Variants in SCAP observed in about 807,000 individuals in gnomAD.
SCAP encodes sterol regulatory element-binding protein cleavage-activating protein.
In SCAP, 65 loss-of-function variants were observed where a neutral mutation model predicts 123.6. The observed-to-expected ratio is 0.53, with a 90% CI of 0.43 to 0.65. SCAP has a LOEUF of 0.65. SCAP is among the 30% of genes least tolerant of loss of function. SCAP has a pLI of 0.00. For missense variants in SCAP, 1,398 were observed against 1,712.5 expected, an observed-to-expected ratio of 0.82 and a Z score of 3.24; for synonymous variants, 740 against 726.3, an observed-to-expected ratio of 1.02 and a Z score of -0.30.
chr3:47,424,029 G>A lies in SCAP; in HGVS notation c.1054C>T (p.Leu352Phe), dbSNP rs778949085. Residue 352 changes from leucine (L) to phenylalanine (F), a missense_variant, in exon 9 of 23, where the codon CTT (leucine) becomes TTT (phenylalanine). Leu to Phe is a conservative substitution (Grantham distance 22). Around this residue, in one of 7 missense-constraint regions of SCAP, gnomAD observed 9 missense variants for 32.8 expected, o/e 0.27. Transcript: ENST00000265565. Reference sequence around the variant, plus strand: ...TTCTCTAACCCAATAACCACCACAAGGTAGGGGAAAATCTCGCTGGGGACA... The same window carrying A: ...TTCTCTAACCCAATAACCACCACAAAGTAGGGGAAAATCTCGCTGGGGACA... Reference protein sequence around the residue: ...TLNGGEIFPYLVVVIGLENVL... With the variant: ...TLNGGEIFPYFVVVIGLENVL... The A allele has an allele frequency of 6.2e-7, 1 of 1,613,964 alleles. No homozygotes were observed.
At chr3:47,469,112 C>T (rs1001038680) in intron 1 of SCAP, among the ~76,000 whole-genome samples, 5 of 152,194 alleles carry the variant, frequency 3.3e-5, no homozygotes, top group Admixed American at 6.6e-5. Flanking sequence ...CTTGGGGATG[C>T]CAAGGTGGGC....
intron 3 of SCAP, among the ~76,000 whole-genome samples, chr3:47,432,026 T>C (rs1025822411): frequency 6.6e-6 from 1 of 152,130 alleles, no homozygotes; most frequent in African/African-American, 2.4e-5. Flanking sequence ...TTGCAAAAAT[T>C]GCTCTAGGCC....
rs1418659439 is a variant in SCAP, at chr3:47,413,992, C to T, written c.3702G>A (p.Gln1234=). 1.9e-6 allele frequency: 3 copies of T among 1,613,316 alleles called. No individual in the cohort carries two copies. The South Asian group carries it at 3.3e-5, about 18-fold the overall frequency. ...CACTGTTCTTCCCCAGGTAGACTGT[C>T]TGTAACAGGTCCCCGTAGTTTAGGT... ...FWDLNYGDLL[Q]TVYLGKNSEA... The change falls in exon 23 of 23, where the codon CAG becomes CAA. Residue 1234 remains glutamine, a synonymous_variant. Coordinates refer to ENST00000265565, the MANE Select transcript of SCAP (RefSeq NM_012235.4).
intron 1 of SCAP, among the ~76,000 whole-genome samples, chr3:47,452,036 C>G (rs974865726): frequency 6.6e-6 from 1 of 152,150 alleles, no homozygotes; most frequent in African/African-American, 2.4e-5. Context: ...GCTGAAATAT[C>G]ACTTCTACAA....
chr3:47,453,021 A>C (rs890457853), intron 1 of SCAP, among the ~76,000 whole-genome samples: 1 of 152,072 alleles, frequency 6.6e-6, no homozygotes, highest in Non-Finnish European at 1.5e-5. Flanking sequence ...GCTTGAGCCC[A>C]GGAGGTCAAG....
rs570007518 is a variant in SCAP, at chr3:47,419,045, C to G, written c.1941-202G>C. On this transcript the variant is annotated intron_variant, in intron 13 of 22. Coordinates refer to ENST00000265565, the MANE Select transcript of SCAP (RefSeq NM_012235.4). The surrounding 1 kb of genome is among the most constrained non-coding windows in gnomAD (Gnocchi z 5.0). ...AACTTGCTGTCCCAGATACCAGCAC[C>G]CAAACAGCCCTGGTGGCCGTGTGGG... Among the ~76,000 whole-genome samples the G allele has an allele frequency of 1.2e-4, 18 of 152,180 alleles. No individual in the cohort carries two copies. Among genetic ancestry groups the G allele is most frequent in the Non-Finnish European group, 2.5e-4 (17 of 68,028 alleles).
chr3:47,438,542 G>A (rs577291194), intron 2 of SCAP, among the ~76,000 whole-genome samples: 3 of 152,164 alleles, frequency 2.0e-5, no homozygotes, highest in South Asian at 4.1e-4. Flanking sequence ...GGCTGGGCAC[G>A]GTGGCTCACG....
intron 1 of SCAP, among the ~76,000 whole-genome samples, chr3:47,456,002 T>C (rs1259632743): frequency 6.6e-6 from 1 of 152,182 alleles, no homozygotes; most frequent in Non-Finnish European, 1.5e-5. Context: ...GTATACTATA[T>C]ACAGTAAATG....
Position 47,427,662 on chromosome 3 carries a change from C to G in SCAP, c.416G>C (p.Gly139Ala), listed in dbSNP as rs139371188. The G allele has an allele frequency of 5.1e-5, 83 of 1,613,736 alleles. No homozygotes were observed. The highest frequency in any genetic ancestry group is 6.9e-5 in the Non-Finnish European group (82 of 1,179,912). ...ACACAACTCCTCCAAGCTCCTGATCCCAGAGCTGCACAGGAGACAGGACAA... is the reference window on the plus strand; with the variant it reads ...ACACAACTCCTCCAAGCTCCTGATCGCAGAGCTGCACAGGAGACAGGACAA... ...IRNHVLRDSS[G>A]IRSLEELCLQ... The change falls in exon 5 of 23, where the codon GGG becomes GCG. Residue 139 changes from glycine to alanine, a missense_variant. This residue lies in a region of SCAP where 319 missense variants were observed against 432.4 expected (regional missense o/e 0.74). Coordinates refer to ENST00000265565, the MANE Select transcript of SCAP (RefSeq NM_012235.4).
At chr3:47,454,938 C>T (rs1707360513) in intron 1 of SCAP, among the ~76,000 whole-genome samples, 1 of 151,130 alleles carries the variant, frequency 6.6e-6, no homozygotes, top group Non-Finnish European at 1.5e-5. Flanking sequence ...TGTGGAACTA[C>T]TAGTTATCAC....
At chr3:47,466,718 A>C (rs1707842125) in intron 1 of SCAP, among the ~76,000 whole-genome samples, 1 of 152,206 alleles carries the variant, frequency 6.6e-6, no homozygotes, top group Non-Finnish European at 1.5e-5. Flanking sequence ...GATCTTCATG[A>C]TGCTGAGTTT....
intron 10 of SCAP, among the ~76,000 whole-genome samples, chr3:47,421,907 T>C (rs1216487334): frequency 2.0e-5 from 3 of 152,398 alleles, no homozygotes; most frequent in African/African-American, 7.2e-5. Flanking sequence ...AGCCCACAGC[T>C]GAGTGAGGGC....
intron 2 of SCAP, among the ~76,000 whole-genome samples, chr3:47,440,042 C>T (rs1401543096): frequency 1.3e-5 from 2 of 152,182 alleles, no homozygotes; most frequent in Non-Finnish European, 2.9e-5. Flanking sequence ...TCTGTACTTT[C>T]CCTGGGGTGA....
intron 1 of SCAP, among the ~76,000 whole-genome samples, chr3:47,455,131 C>T (rs1707372708): frequency 1.4e-5 from 2 of 147,078 alleles, no homozygotes. Flanking sequence ...ATAAAAGAAT[C>T]ACCATAAGGT....
rs1390226553 is a variant in SCAP at position 47,418,103 on chromosome 3, G to A, written c.2447+31C>T. 1.2e-5 allele frequency: 17 copies of A among 1,465,232 alleles called. No homozygotes were observed. The East Asian group carries it at 4.3e-4, about 37-fold the overall frequency. 90.8% of individuals were successfully genotyped at this position (1,465,232 alleles called of 1,614,324 possible). A position where few individuals can be genotyped will look rare whatever the true frequency, so the allele number is the denominator to read the frequency against. ...GGGTGGGGTGAGGGGGGTTGTGGGGGCACAAAGGAGGAAAGGGCAGCCGCA... is the reference window on the plus strand; with the variant it reads ...GGGTGGGGTGAGGGGGGTTGTGGGGACACAAAGGAGGAAAGGGCAGCCGCA... On this transcript the variant is annotated intron_variant, in intron 16 of 22. Transcript: ENST00000265565.
intron 1 of SCAP, among the ~76,000 whole-genome samples, chr3:47,468,689 A>G (rs1456584535): frequency 1.3e-5 from 2 of 152,128 alleles, no homozygotes; most frequent in African/African-American, 4.8e-5. Context: ...GTCTGATGGT[A>G]GTTTCTTTTG....
chr3:47,419,212 T>G lies in SCAP; in HGVS notation c.1940+116A>C, dbSNP rs1705782131. The G allele has an allele frequency of 7.4e-7, 1 of 1,356,774 alleles. No homozygotes were observed. The highest frequency in any genetic ancestry group is 9.9e-7 in the Non-Finnish European group (1 of 1,005,112). 84.0% of individuals were successfully genotyped at this position (1,356,774 alleles called of 1,614,324 possible). ...AACCACCAGTTCCCACCTCACAACC[T>G]TATGAACTGTTTTAATTATTTGCAT... On this transcript the variant is annotated intron_variant, in intron 13 of 22. Coordinates refer to ENST00000265565, the MANE Select transcript of SCAP (RefSeq NM_012235.4). This position sits in a 1 kb window ranked among gnomAD's most constrained non-coding sequence, Gnocchi z 5.0.
chr3:47,428,466 C>T (rs1449384128), intron 4 of SCAP, 47 bp downstream of exon 4: 1 of 1,583,706 alleles, frequency 6.3e-7, no homozygotes, highest in Non-Finnish European at 8.6e-7. Context: ...ACTCTCCCTT[C>T]AGTACAGAAT....
At chr3:47,437,941 T>A (rs568135196) in intron 2 of SCAP, among the ~76,000 whole-genome samples, 1 of 152,208 alleles carries the variant, frequency 6.6e-6, no homozygotes, top group Non-Finnish European at 1.5e-5. Context: ...CAGTTTTCCA[T>A]AGCGGTTGTA....
Sources: allele counts gnomAD v4.1 joint callset (sites outside exome capture counted in the v4.1 genomes callset), GRCh38; gene constraint gnomAD v4.1.1; regional missense constraint gnomAD v4.1.1; non-coding constraint Gnocchi (gnomAD v3.1); transcripts MANE v1.5; gene names NCBI Gene and HGNC (gene_info 2026-07-23, HGNC 2026-07-21).